SLCO3A1: variants seen among roughly 807,000 people sequenced by gnomAD.
SLCO3A1 encodes solute carrier organic anion transporter family member 3A1, also known as PGE1 transporter.
A neutral mutation model predicts 63.1 loss-of-function variants in SLCO3A1; 27 were observed. That is an observed-to-expected ratio of 0.43 (90% CI 0.32 to 0.59). The LOEUF (loss-of-function observed/expected upper bound fraction) is 0.59, where lower values mean the gene tolerates loss of function less well. SLCO3A1 is among the 20% of genes least tolerant of loss of function. SLCO3A1 has a pLI of 0.09. For synonymous variants in SLCO3A1, 473 were observed against 409.9 expected (o/e 1.15, Z -1.86); for missense variants, 773 against 945.8 (o/e 0.82, Z 2.40).
At chr15:91,924,612 A>G (rs538227698) in intron 2 of SLCO3A1, among the ~76,000 whole-genome samples, 19 of 152,278 alleles carry the variant, frequency 1.2e-4, no homozygotes, top group East Asian at 1.9e-4. Flanking sequence ...TGTGGTTCTG[A>G]ATGTTAGGGG....
intron 1 of SLCO3A1, among the ~76,000 whole-genome samples, chr15:91,874,594 A>G (rs1004775445): frequency 1.3e-5 from 2 of 152,082 alleles, no homozygotes; most frequent in African/African-American, 4.8e-5. Flanking sequence ...TTTAGGCTGA[A>G]TTTTCCATAG....
At chr15:91,870,541 A>T (rs144481477) in intron 1 of SLCO3A1, among the ~76,000 whole-genome samples, 5 of 152,260 alleles carry the variant, frequency 3.3e-5, no homozygotes, top group Admixed American at 6.5e-5. Flanking sequence ...CTGGATGTGT[A>T]TTTTCAATCA....
intron 2 of SLCO3A1, among the ~76,000 whole-genome samples, chr15:92,020,240 A>C (rs148466479): frequency 2.1e-5 from 2 of 96,906 alleles, no homozygotes; most frequent in African/African-American, 8.6e-5. Context: ...CACACACACT[A>C]TATATATATG....
chr15:91,973,260 G>A (rs181490978), intron 2 of SLCO3A1, among the ~76,000 whole-genome samples: 2 of 152,322 alleles, frequency 1.3e-5, no homozygotes, highest in East Asian at 3.9e-4. Context: ...TCAGGTGCCT[G>A]CTCCTCCCAG....
intron 2 of SLCO3A1, among the ~76,000 whole-genome samples, chr15:92,070,572 AGGT>A (rs1212944343): frequency 1.9e-4 from 29 of 151,630 alleles, no homozygotes; most frequent in African/African-American, 6.8e-4. Flanking sequence ...GAACCCCAGG[AGGT>A]GGAGGTTGCA....
intron 1 of SLCO3A1, among the ~76,000 whole-genome samples, chr15:91,888,193 G>C (rs910486466): frequency 6.6e-6 from 1 of 152,164 alleles, no homozygotes; most frequent in Non-Finnish European, 1.5e-5. Context: ...GGAGTCAGGA[G>C]CTGGAAGTCA....
intron 2 of SLCO3A1, among the ~76,000 whole-genome samples, chr15:91,925,502 A>T (rs1226521395): frequency 1.3e-5 from 2 of 150,820 alleles, no homozygotes; most frequent in Admixed American, 1.3e-4. Flanking sequence ...TTAACTAGGA[A>T]ACTACCTCTC....
chr15:91,963,159 T>C (rs145348109), intron 2 of SLCO3A1, among the ~76,000 whole-genome samples: 2 of 152,274 alleles, frequency 1.3e-5, no homozygotes, highest in African/African-American at 4.8e-5. Context: ...ATAGGTCCTG[T>C]TAAGAATTCC....
intron 2 of SLCO3A1, among the ~76,000 whole-genome samples, chr15:92,000,075 A>T (rs892819676): frequency 6.6e-6 from 1 of 152,360 alleles, no homozygotes; most frequent in African/African-American, 2.4e-5. Context: ...GTTGAGTCAG[A>T]TAAAAGTCTC....
chr15:91,874,012 T>C (rs1302359988), intron 1 of SLCO3A1, among the ~76,000 whole-genome samples: 1 of 152,148 alleles, frequency 6.6e-6, no homozygotes, highest in Admixed American at 6.5e-5. Context: ...CCCTTGCTCT[T>C]GGGGGATATG....
intron 4 of SLCO3A1, among the ~76,000 whole-genome samples, chr15:92,113,345 G>A (rs1165911317): frequency 6.6e-6 from 1 of 152,138 alleles, no homozygotes; most frequent in Non-Finnish European, 1.5e-5. Flanking sequence ...CTTCTTGGTG[G>A]GGTTATGAAG....
intron 2 of SLCO3A1, among the ~76,000 whole-genome samples, chr15:92,059,442 C>G (rs1597270745): frequency 6.6e-6 from 1 of 152,202 alleles, no homozygotes; most frequent in Non-Finnish European, 1.5e-5. Context: ...ATTCCCCATG[C>G]TTCTTCCGTC....
At chr15:92,002,132 G>A (rs1225104026) in intron 2 of SLCO3A1, among the ~76,000 whole-genome samples, 1 of 152,178 alleles carries the variant, frequency 6.6e-6, no homozygotes, top group East Asian at 1.9e-4. Context: ...AGCCCAGTGA[G>A]GATGTGAGAT....
At chr15:92,060,503 A>AG (rs2047073904) in intron 2 of SLCO3A1, among the ~76,000 whole-genome samples, 1 of 145,034 alleles carries the variant, frequency 6.9e-6, no homozygotes, top group African/African-American at 2.6e-5. Flanking sequence ...CAGTGAGCCG[A>AG]GTTTTTTTTT....
chr15:91,969,310 A>T (rs1219387432), intron 2 of SLCO3A1, among the ~76,000 whole-genome samples: 2 of 146,406 alleles, frequency 1.4e-5, no homozygotes, highest in Non-Finnish European at 3.0e-5. Context: ...TATATATATA[A>T]TTTTTTTTTT....
At chr15:91,935,068 C>G (rs1324797156) in intron 2 of SLCO3A1, among the ~76,000 whole-genome samples, 1 of 152,198 alleles carries the variant, frequency 6.6e-6, no homozygotes. Context: ...ATTTTCCTGC[C>G]TCAGCCTCCT....
intron 2 of SLCO3A1, among the ~76,000 whole-genome samples, chr15:91,985,221 G>T (rs976587669): frequency 1.3e-5 from 2 of 152,184 alleles, no homozygotes; most frequent in Admixed American, 6.5e-5. Flanking sequence ...TGAATGAAAT[G>T]ATGGCATCTA....
At chr15:91,866,165 C>T (rs910832930) in intron 1 of SLCO3A1, among the ~76,000 whole-genome samples, 15 of 151,872 alleles carry the variant, frequency 9.9e-5, no homozygotes, top group East Asian at 3.9e-4. Context: ...TGGGCCTAGC[C>T]GAATGCTGGG....
rs746160410 is a variant in SLCO3A1 at position 92,033,250 on chromosome 15, A to G, written c.647-61631A>G. Among the ~76,000 whole-genome samples the G allele has an allele frequency of 2.0e-5, 3 of 152,044 alleles. No individual in the cohort carries two copies. The highest frequency in any genetic ancestry group is 4.4e-5 in the Non-Finnish European group (3 of 68,004). Reference sequence around the variant, plus strand: ...TTAGAAAAGAGTCAAGTTGAAGGAGATTTCTGAGCATATTGTTCCAGCACC... The same window carrying G: ...TTAGAAAAGAGTCAAGTTGAAGGAGGTTTCTGAGCATATTGTTCCAGCACC... On this transcript the variant is annotated intron_variant, in intron 2 of 9. Coordinates refer to ENST00000318445, the MANE Select transcript of SLCO3A1 (RefSeq NM_013272.4). The surrounding 1 kb of genome is among the most constrained non-coding windows in gnomAD (Gnocchi z 4.5).
Sources: allele counts gnomAD v4.1 joint callset (sites outside exome capture counted in the v4.1 genomes callset), GRCh38; gene constraint gnomAD v4.1.1; non-coding constraint Gnocchi (gnomAD v3.1); transcripts MANE v1.5; gene names NCBI Gene and HGNC (gene_info 2026-07-23, HGNC 2026-07-21).